Variants in VPS54 observed in about 807,000 individuals in gnomAD.
VPS54 encodes vacuolar protein sorting-associated protein 54.
VPS54 carries 45 observed loss-of-function variants against 121.5 expected under a neutral mutation model. The observed-to-expected ratio is 0.37, with a 90% CI of 0.29 to 0.47. The LOEUF (loss-of-function observed/expected upper bound fraction) is 0.47, where lower values mean the gene tolerates loss of function less well. Ranked by LOEUF, VPS54 falls within the 20% of genes least tolerant of loss-of-function variation. The probability of loss-of-function intolerance (pLI) is 0.99; values close to 1 mark genes in which losing one functional copy is unlikely to be tolerated. For synonymous variants in VPS54, 371 were observed against 385.8 expected, an observed-to-expected ratio of 0.96 and a Z score of 0.45; for missense variants, 1,090 against 1,131.4, an observed-to-expected ratio of 0.96 and a Z score of 0.52.
intron 22 of VPS54, 74 bp from the exon 23 acceptor site, chr2:63,893,609 C>T (rs1194592315): frequency 2.3e-5 from 29 of 1,276,296 alleles, no homozygotes; most frequent in African/African-American, 4.5e-5. Context: ...CAGTGCTCAC[C>T]GAGTCAGAGT....
chr2:64,005,484 C>T (rs997218093), intron 1 of VPS54, among the ~76,000 whole-genome samples: 1 of 152,134 alleles, frequency 6.6e-6, no homozygotes, highest in Non-Finnish European at 1.5e-5. Flanking sequence ...ATATCTGTAG[C>T]AATTGAATGT....
At chr2:63,914,371 A>C (rs1458400334) in intron 16 of VPS54, 84 bp from the exon 17 acceptor site, 2 of 881,640 alleles carry the variant, frequency 2.3e-6, no homozygotes, top group Non-Finnish European at 3.7e-6. Flanking sequence ...AAATTACTTA[A>C]TGGCACAAAG....
At chr2:63,923,288 C>T (rs1447928925) in intron 12 of VPS54, among the ~76,000 whole-genome samples, 1 of 151,540 alleles carries the variant, frequency 6.6e-6, no homozygotes, top group Non-Finnish European at 1.5e-5. Flanking sequence ...TGCACTCCAG[C>T]CTGGGCAAAG....
At chr2:63,969,557 C>A (rs910788081) in intron 4 of VPS54, among the ~76,000 whole-genome samples, 2 of 152,132 alleles carry the variant, frequency 1.3e-5, no homozygotes, top group African/African-American at 2.4e-5. Context: ...CCAGATGGGA[C>A]CATCTAGTTC....
At chr2:63,991,144 A>G (rs1232162042) in intron 1 of VPS54, among the ~76,000 whole-genome samples, 1 of 152,228 alleles carries the variant, frequency 6.6e-6, no homozygotes, top group Non-Finnish European at 1.5e-5. Context: ...AGAACAAGTA[A>G]CAAAGGTGTG....
chr2:63,941,213 T>A (rs1412217184), intron 11 of VPS54, among the ~76,000 whole-genome samples: 1 of 152,134 alleles, frequency 6.6e-6, no homozygotes, highest in Non-Finnish European at 1.5e-5. Context: ...ATGATTGTAT[T>A]CTTTTTTTAT....
intron 12 of VPS54, among the ~76,000 whole-genome samples, chr2:63,925,737 A>G: frequency 6.6e-6 from 1 of 152,262 alleles, no homozygotes; most frequent in South Asian, 2.1e-4. Context: ...ATCAGAGACA[A>G]AAGAGCAAAT....
chr2:63,918,258 C>G (rs1332821277), intron 15 of VPS54, among the ~76,000 whole-genome samples: 3 of 151,926 alleles, frequency 2.0e-5, no homozygotes, highest in Non-Finnish European at 4.4e-5. Context: ...ATGTTTCAAA[C>G]AAAACACATG....
At chr2:63,902,555 T>TAA (rs140510193) in intron 20 of VPS54, among the ~76,000 whole-genome samples, 16 of 146,614 alleles carry the variant, frequency 1.1e-4, no homozygotes, top group Non-Finnish European at 3.0e-5. Flanking sequence ...AGCATTTAAT[T>TAA]AAAAAAAAAA....
chr2:63,970,727 C>G (rs1027693817), intron 4 of VPS54, among the ~76,000 whole-genome samples: 1 of 152,184 alleles, frequency 6.6e-6, no homozygotes, highest in Non-Finnish European at 1.5e-5. Flanking sequence ...ACTTTCCTAT[C>G]TCTCTGACCA....
At chr2:63,906,179 G>C (rs1179450390) in intron 20 of VPS54, among the ~76,000 whole-genome samples, 2 of 152,162 alleles carry the variant, frequency 1.3e-5, no homozygotes, top group African/African-American at 4.8e-5. Flanking sequence ...GTCCTAGCCA[G>C]TGCCATAAAG....
Position 63,921,257 on chromosome 2 carries a change from G to C in VPS54, c.1818C>G (p.Ala606=). 2.5e-6 allele frequency: 4 copies of C among 1,612,994 alleles called. No individual in the cohort carries two copies. The highest frequency in any genetic ancestry group is 3.4e-6 in the Non-Finnish European group (4 of 1,179,434). ...ANNIQELLYS[A]SDICHDRAVK... ...CAGCTCGATCATGGCATATATCTGA[G>C]GCACTATATAATAATTCCTGGATAT... The change falls in exon 13 of 23, where the codon GCC becomes GCG. Residue 606 remains alanine, a synonymous_variant. Transcript: ENST00000272322.
Position 63,921,283 on chromosome 2 carries a change from T to C in VPS54, c.1792A>G (p.Asn598Asp). 6.2e-7 allele frequency: 1 copy of C among 1,613,324 alleles called. No homozygotes were observed. The highest frequency in any genetic ancestry group is 8.5e-7 in the Non-Finnish European group (1 of 1,179,552). ...TDSELGKLAN[N>D]IQELLYSASD... is the part of the protein sequence containing the mutation. ...GCACTATATAATAATTCCTGGATAT[T>C]ATTTGCCAGCTTTCCTAGCTCTGAG... is the stretch of plus-strand genomic sequence containing the variant. The change falls in exon 13 of 23, where the codon AAT becomes GAT. Residue 598 changes from asparagine to aspartate, a missense_variant. Physicochemically the swap from Asn to Asp is conservative, Grantham distance 23. Transcript: ENST00000272322.
chr2:63,997,265 G>A (rs987117289), intron 1 of VPS54, among the ~76,000 whole-genome samples: 5 of 152,124 alleles, frequency 3.3e-5, no homozygotes, highest in Admixed American at 3.3e-4. Context: ...AGACTAGTTT[G>A]AGTAGGATTG....
intron 1 of VPS54, among the ~76,000 whole-genome samples, chr2:64,018,041 C>G (rs1455470002): frequency 6.6e-6 from 1 of 152,124 alleles, no homozygotes; most frequent in African/African-American, 2.4e-5. Context: ...GAATGTACAT[C>G]AAAATCTGCA....
In VPS54 at chr2:63,985,039, G is replaced by C. The variant is rs184694714; in HGVS notation, c.-20-1020C>G. On this transcript the variant is annotated intron_variant, in intron 1 of 22. Transcript: ENST00000272322. Reference sequence around the variant, plus strand: ...TAAGAGTAGGAAATGGGGAGCAGAGGCTGGCACAGTGGCTCATGCTTGTAA... The same window carrying C: ...TAAGAGTAGGAAATGGGGAGCAGAGCCTGGCACAGTGGCTCATGCTTGTAA... 1.2e-3 allele frequency among the ~76,000 whole-genome samples: 188 copies of C among 152,292 alleles called. 1 individual carries two copies. The highest frequency in any genetic ancestry group is 2.1e-3 in the Non-Finnish European group (141 of 68,014).
chr2:64,009,880 C>T (rs1332714212), intron 1 of VPS54, among the ~76,000 whole-genome samples: 2 of 150,380 alleles, frequency 1.3e-5, no homozygotes, highest in East Asian at 2.0e-4. Context: ...CTCGCTCTGT[C>T]ACTCAGGCTG....
chr2:63,907,515 T>C (rs1468310079), intron 20 of VPS54, among the ~76,000 whole-genome samples: 1 of 118,628 alleles, frequency 8.4e-6, no homozygotes, highest in Admixed American at 9.2e-5. Context: ...AGAAACTCCA[T>C]CTCAAAAAAA....
At chr2:63,944,530 G>T (rs541596237) in intron 10 of VPS54, 70 bp downstream of exon 10, 1 of 1,425,774 alleles carries the variant, frequency 7.0e-7, no homozygotes, top group Non-Finnish European at 9.8e-7. Context: ...AATCTACTTC[G>T]AATTATTCTA....
Sources: gnomAD v4.1 joint callset for allele counts (sites outside exome capture counted in the v4.1 genomes callset) on GRCh38, gnomAD v4.1.1 for gene constraint, MANE v1.5 for transcripts, NCBI Gene and HGNC (gene_info 2026-07-23, HGNC 2026-07-21) for gene names.